ARID5B: variants seen among roughly 807,000 people sequenced by gnomAD.
The protein encoded by ARID5B is AT-rich interactive domain-containing protein 5B.
ARID5B carries 13 observed loss-of-function variants against 97.2 expected under a neutral mutation model. The ratio of observed to expected loss-of-function variants is 0.13; its 90% CI spans 0.09 to 0.21. The LOEUF is 0.21. Among genes scored for constraint, ARID5B ranks in the 10% least tolerant of loss-of-function variants. ARID5B has a pLI of 1.00. For synonymous variants in ARID5B, 556 were observed against 570.3 expected (o/e 0.97, Z 0.36); for missense variants, 1,210 against 1,465.3 (o/e 0.83, Z 2.84).
At chr10:61,975,434 G>A (rs1838685432) in intron 3 of ARID5B, among the ~76,000 whole-genome samples, 1 of 152,200 alleles carries the variant, frequency 6.6e-6, no homozygotes, top group African/African-American at 2.4e-5. Context: ...TCTGCACAAA[G>A]TGTAGCAGTT....
chr10:61,985,139 C>A (rs1304903944), intron 3 of ARID5B, among the ~76,000 whole-genome samples: 1 of 151,806 alleles, frequency 6.6e-6, no homozygotes, highest in Non-Finnish European at 1.5e-5. Flanking sequence ...CTCTTCCCTG[C>A]GAAGACTTTC....
At chr10:62,055,959 C>T (rs1038455776) in intron 5 of ARID5B, among the ~76,000 whole-genome samples, 14 of 152,130 alleles carry the variant, frequency 9.2e-5, no homozygotes, top group Non-Finnish European at 1.9e-4. Context: ...CGTAACATTT[C>T]CCCAGCACTT....
intron 3 of ARID5B, among the ~76,000 whole-genome samples, chr10:61,990,699 A>G (rs1046509270): frequency 1.3e-4 from 20 of 152,208 alleles, no homozygotes; most frequent in African/African-American, 4.6e-4. Context: ...GCATCTACAC[A>G]GAAAATATAA....
In ARID5B at chr10:62,004,318, C is replaced by A. The variant is rs544589576; in HGVS notation, c.733+3997C>A. On this transcript the variant is annotated intron_variant, in intron 4 of 9. Transcript: ENST00000279873. ...TCAGTCTCGACATTCTGCTTGCATT[C>A]TTCCATCTTGTCAGTTACACTGCTC... is the stretch of plus-strand genomic sequence containing the variant. 3.3e-5 allele frequency among the ~76,000 whole-genome samples: 5 copies of A among 152,314 alleles called. 1 individual carries two copies. The highest frequency in any genetic ancestry group is 3.3e-4 in the Admixed American group (5 of 15,290).
intron 4 of ARID5B, among the ~76,000 whole-genome samples, chr10:62,009,759 T>C (rs1272890903): frequency 6.6e-6 from 1 of 152,096 alleles, no homozygotes. Flanking sequence ...TACGAGGCAG[T>C]TGGCTAAGGG....
Position 61,923,814 on chromosome 10 carries a change from G to A in ARID5B, c.277-16369G>A, listed in dbSNP as rs879872920. On this transcript the variant is annotated intron_variant, in intron 2 of 9. Transcript: ENST00000279873. ...GTGTGTTTCTGAAGGGCAGCACCATGTCTTATCCATCCTTATCTCTGTAGC... is the reference window on the plus strand; with the variant it reads ...GTGTGTTTCTGAAGGGCAGCACCATATCTTATCCATCCTTATCTCTGTAGC... Among the ~76,000 whole-genome samples the A allele has an allele frequency of 2.1e-3, 317 of 152,356 alleles. 1 individual carries two copies. The highest frequency in any genetic ancestry group is 7.2e-3 in the African/African-American group (298 of 41,572).
rs371384474 is a variant in ARID5B, at chr10:62,058,215, G to A, written c.1048+897G>A. Among the ~76,000 whole-genome samples the A allele has an allele frequency of 2.6e-5, 4 of 152,302 alleles. No homozygotes were observed. In the East Asian group the frequency reaches 5.8e-4, roughly 22 times the overall value. On this transcript the variant is annotated intron_variant, in intron 6 of 9. Transcript: ENST00000279873. Reference sequence around the variant, plus strand: ...GATTACAATGTTTGTCTGAAAACTGGTTGCTTGAAATAGAAGTAAAATTAA... The same window carrying A: ...GATTACAATGTTTGTCTGAAAACTGATTGCTTGAAATAGAAGTAAAATTAA...
intron 2 of ARID5B, among the ~76,000 whole-genome samples, chr10:61,923,133 C>T (rs972481258): frequency 4.6e-5 from 7 of 152,122 alleles, no homozygotes; most frequent in Non-Finnish European, 8.8e-5. Flanking sequence ...ACACATGGGG[C>T]ATGTTGTATG....
At position 62,091,642 on chromosome 10, in the gene ARID5B, G is replaced by A. The variant is rs986410430; in HGVS notation, c.2179G>A (p.Asp727Asn). 1.9e-6 allele frequency: 3 copies of A among 1,613,996 alleles called. No individual in the cohort carries two copies. The highest frequency in any genetic ancestry group is 1.3e-5 in the African/African-American group (1 of 74,910). Residue 727 changes from aspartate to asparagine, a missense_variant, in exon 10 of 10, where the codon GAC becomes AAC. Around this residue, in one of 8 missense-constraint regions of ARID5B, gnomAD observed 800 missense variants for 839.1 expected, o/e 0.95. Coordinates refer to ENST00000279873, the MANE Select transcript of ARID5B (RefSeq NM_032199.3). ...ISKKKLIARD[D>N]LCSSLSQTHH... The stretch of plus-strand genomic sequence containing the variant: ...CAAAAAGAAACTGATTGCTAGGGAT[G>A]ACTTGTGTTCCAGTTTGTCCCAGAC...
At position 61,963,179 on chromosome 10, in the gene ARID5B, C is replaced by T. The variant is rs74156298; in HGVS notation, c.502+22771C>T. Among the ~76,000 whole-genome samples, 372 of 152,228 alleles carry T rather than the reference C, an allele frequency of 2.4e-3. 2 individuals are homozygous for T. Among genetic ancestry groups the T allele is most frequent in the African/African-American group, 8.5e-3 (355 of 41,526 alleles). Reference sequence around the variant, plus strand: ...TTCTTAAAGAAAAATAAGATATTCCCGCATGTCTCTCTTTTTTAGTTCCCT... The same window carrying T: ...TTCTTAAAGAAAAATAAGATATTCCTGCATGTCTCTCTTTTTTAGTTCCCT... On this transcript the variant is annotated intron_variant, in intron 3 of 9. Transcript: ENST00000279873.
chr10:61,913,939 C>CG (rs1283304537), intron 2 of ARID5B, among the ~76,000 whole-genome samples: 1 of 152,054 alleles, frequency 6.6e-6, no homozygotes, highest in Non-Finnish European at 1.5e-5. Context: ...TTAATAGAGA[C>CG]GGGGTTTCTC....
intron 3 of ARID5B, among the ~76,000 whole-genome samples, chr10:61,973,122 C>T (rs984302090): frequency 3.9e-5 from 6 of 152,158 alleles, no homozygotes; most frequent in Non-Finnish European, 7.3e-5. Context: ...CACAATGAGC[C>T]TCTGAGGGCC....
At chr10:61,982,631 A>G (rs1838792248) in intron 3 of ARID5B, among the ~76,000 whole-genome samples, 1 of 152,238 alleles carries the variant, frequency 6.6e-6, no homozygotes, top group Admixed American at 6.5e-5. Context: ...GTCCTAGCCC[A>G]AGATATCATG....
intron 9 of ARID5B, 134 bp from the exon 10 acceptor site, chr10:62,090,728 C>A: frequency 8.8e-7 from 1 of 1,137,602 alleles, no homozygotes; most frequent in Non-Finnish European, 1.2e-6. Context: ...AGTAATAAAG[C>A]TTTACAGAAA....
chr10:62,039,907 A>G (rs754640534), intron 4 of ARID5B, among the ~76,000 whole-genome samples: 2 of 152,172 alleles, frequency 1.3e-5, no homozygotes, highest in African/African-American at 4.8e-5. Flanking sequence ...TGACCTCTCT[A>G]TTTATTCTCA....
intron 3 of ARID5B, among the ~76,000 whole-genome samples, chr10:61,971,304 C>T (rs965995692): frequency 6.6e-6 from 1 of 152,188 alleles, no homozygotes; most frequent in South Asian, 2.1e-4. Context: ...CAGTCCTCCT[C>T]CCCTCCTTAT....
chr10:62,088,395 G>T (rs984394752), intron 9 of ARID5B, among the ~76,000 whole-genome samples: 9 of 152,186 alleles, frequency 5.9e-5, no homozygotes, highest in Admixed American at 5.2e-4. Context: ...CCAATTTGGG[G>T]ATTAAGTTTG....
At chr10:62,027,273 T>TCACA (rs762108262) in intron 4 of ARID5B, among the ~76,000 whole-genome samples, 3 of 132,508 alleles carry the variant, frequency 2.3e-5, no homozygotes, top group Non-Finnish European at 4.7e-5. Flanking sequence ...TGCATTAGCC[T>TCACA]CACAGTATCT....
intron 2 of ARID5B, among the ~76,000 whole-genome samples, chr10:61,911,593 A>G (rs1448400642): frequency 6.6e-6 from 1 of 152,184 alleles, no homozygotes; most frequent in Non-Finnish European, 1.5e-5. Flanking sequence ...TAGTGCTTCC[A>G]GTCCTGGAGT....
Sources: allele counts gnomAD v4.1 joint callset (sites outside exome capture counted in the v4.1 genomes callset), GRCh38; gene constraint gnomAD v4.1.1; regional missense constraint gnomAD v4.1.1; transcripts MANE v1.5; gene names NCBI Gene and HGNC (gene_info 2026-07-23, HGNC 2026-07-21).